The following TEAD3 variants were observed in gnomAD, a reference collection of about 807,000 sequenced individuals.
TEAD3 encodes the protein TEA domain transcription factor 3.
In TEAD3, 15 loss-of-function variants were observed where a neutral mutation model predicts 55.6. The observed-to-expected ratio is 0.27, with a 90% CI of 0.18 to 0.42. The LOEUF is 0.42. Among genes scored for constraint, TEAD3 ranks in the 10% least tolerant of loss-of-function variants. The pLI is 1.00. For synonymous variants in TEAD3, 210 were observed against 232.2 expected, an observed-to-expected ratio of 0.90 and a Z score of 0.87; for missense variants, 407 against 576.8, an observed-to-expected ratio of 0.71 and a Z score of 3.01.
At chr6:35,490,231 C>G (rs977466472) in intron 1 of TEAD3, among the ~76,000 whole-genome samples, 4 of 152,186 alleles carry the variant, frequency 2.6e-5, no homozygotes, top group Non-Finnish European at 5.9e-5. Flanking sequence ...CCGCCCCCCG[C>G]GGGAGCACTG....
intron 7 of TEAD3, 68 bp from the exon 8 acceptor site, chr6:35,477,440 C>A: frequency 1.3e-6 from 2 of 1,484,404 alleles, no homozygotes; most frequent in Non-Finnish European, 1.8e-6. Flanking sequence ...CCCAGCCCCT[C>A]TTCCAAGACC....
chr6:35,492,590 C>A (rs962098562), intron 1 of TEAD3, among the ~76,000 whole-genome samples: 22 of 149,684 alleles, frequency 1.5e-4, no homozygotes, highest in African/African-American at 5.4e-4. Context: ...GAGGTGGGGG[C>A]CCCTCCACTC....
exon 10 of TEAD3, chr6:35,476,065 C>A (rs1037507155): frequency 6.5e-7 from 1 of 1,537,794 alleles, no homozygotes; most frequent in Admixed American, 2.0e-5. Flanking sequence ...TTCGTCTGGC[C>A]GATGTGCACA....
In TEAD3 at chr6:35,484,981, T is replaced by A. The variant is rs1464171331; in HGVS notation, c.203-357A>T. 6.6e-6 allele frequency among the ~76,000 whole-genome samples: 1 copy of A among 152,136 alleles called. No homozygotes were observed. Among genetic ancestry groups the A allele is most frequent in the Non-Finnish European group, 1.5e-5 (1 of 67,998 alleles). On this transcript the variant is annotated intron_variant, in intron 2 of 12. Coordinates refer to ENST00000639578, the Ensembl canonical transcript of TEAD3. This position sits in a 1 kb window ranked among gnomAD's most constrained non-coding sequence, Gnocchi z 5.8. ...CAGGACAGTAGCTGAGTAGGGCCTG[T>A]CCTGGCCAGGCACGCCCATCCTCCC...
rs1333916303 is a variant in TEAD3 at position 35,484,334 on chromosome 6, G to A, written c.267+226C>T. 1.3e-5 allele frequency among the ~76,000 whole-genome samples: 2 copies of A among 152,152 alleles called. No homozygotes were observed. Among genetic ancestry groups the A allele is most frequent in the Non-Finnish European group, 2.9e-5 (2 of 68,048 alleles). ...GGCAGGGTAGTAGGTGGTCAGAGAG[G>A]ACAGTGGGGCCATCTCTCCAAGAGA... On this transcript the variant is annotated intron_variant, in intron 3 of 12. Transcript: ENST00000639578. The surrounding 1 kb of genome is among the most constrained non-coding windows in gnomAD (Gnocchi z 5.8).
exon 6 of TEAD3, chr6:35,478,470 G>A: frequency 5.0e-6 from 8 of 1,613,142 alleles, no homozygotes; most frequent in Non-Finnish European, 6.8e-6. Context: ...GGGGCAGAGG[G>A]GAAGGTGGGC....
chr6:35,492,050 C>G (rs115551885), intron 1 of TEAD3, among the ~76,000 whole-genome samples: 2,050 of 152,318 alleles, frequency 0.013, 45 homozygotes, highest in African/African-American at 0.046. Flanking sequence ...CTGTCTTACC[C>G]CTTCCCCTGC....
rs202046348 is a variant in TEAD3, at chr6:35,479,274, C to T, written c.342+31G>A. On this transcript the variant is annotated intron_variant, in intron 5 of 12. Transcript: ENST00000639578. ...TATTAGGTGTTAAGACCCTTTCCCC[C>T]ACTCCCACTGGGGAGGGCTGTGCTA... The T allele has an allele frequency of 1.2e-4, 188 of 1,613,086 alleles. No homozygotes were observed. The African/African-American group carries it at 2.3e-3, about 20-fold the overall frequency.
chr6:35,479,168 A>C, intron 5 of TEAD3, 137 bp downstream of exon 5: 1 of 1,136,858 alleles, frequency 8.8e-7, no homozygotes, highest in East Asian at 2.6e-5. Context: ...GTGAGCCACC[A>C]CGCCCAGCCA....
At chr6:35,477,288 A>G (rs1026960520) in intron 8 of TEAD3, 23 bp downstream of exon 8, 6 of 1,609,144 alleles carry the variant, frequency 3.7e-6, no homozygotes, top group Non-Finnish European at 5.1e-6. Flanking sequence ...GCCAAGGGAG[A>G]GCACCTCGTG....
chr6:35,480,391 G>A lies in TEAD3; in HGVS notation c.268-269C>T, dbSNP rs1194737951. 4 of 1,613,184 alleles carry A rather than the reference G, an allele frequency of 2.5e-6. No individual in the cohort carries two copies. Among genetic ancestry groups the A allele is most frequent in the East Asian group, 2.2e-5 (1 of 44,878 alleles). The stretch of plus-strand genomic sequence containing the variant: ...GCTGGACACCTAGGGGCCGCCCCGC[G>A]CCCCGCCAGAGAGGAAAACATAGAC... On this transcript the variant is annotated intron_variant, in intron 3 of 12. Coordinates refer to ENST00000639578, the Ensembl canonical transcript of TEAD3.
At chr6:35,494,013 T>C (rs773925199) in intron 1 of TEAD3, among the ~76,000 whole-genome samples, 1 of 152,154 alleles carries the variant, frequency 6.6e-6, no homozygotes, top group Non-Finnish European at 1.5e-5. Context: ...CCAGTTTCTC[T>C]TATGGACGTG....
Position 35,484,683 on chromosome 6 carries a change from G to A in TEAD3, c.203-59C>T. On this transcript the variant is annotated intron_variant, in intron 2 of 12. Coordinates refer to ENST00000639578, the Ensembl canonical transcript of TEAD3. The surrounding 1 kb of genome is among the most constrained non-coding windows in gnomAD (Gnocchi z 5.8). ...GCAAAGGGTGGAGCCAGAGGCTGGA[G>A]GCCCCCACCCCACCGGGAAGCCACT... is the stretch of plus-strand genomic sequence containing the variant. 1 of 1,487,780 alleles carries A rather than the reference G, an allele frequency of 6.7e-7. No individual in the cohort carries two copies. Among genetic ancestry groups the A allele is most frequent in the South Asian group, 1.2e-5 (1 of 82,948 alleles). 92.2% of individuals were successfully genotyped at this position (1,487,780 alleles called of 1,614,324 possible). A position where few individuals can be genotyped will look rare whatever the true frequency, so the allele number is the denominator to read the frequency against.
At chr6:35,494,878 G>A (rs749816825) in intron 1 of TEAD3, among the ~76,000 whole-genome samples, 5 of 111,036 alleles carry the variant, frequency 4.5e-5, no homozygotes, top group Non-Finnish European at 9.6e-5. Context: ...CCTGCCCCCC[G>A]CCACCTTTTC....
At chr6:35,489,393 G>A (rs910445435) in intron 1 of TEAD3, among the ~76,000 whole-genome samples, 43 of 152,320 alleles carry the variant, frequency 2.8e-4, no homozygotes, top group African/African-American at 9.9e-4. Flanking sequence ...AGGTTATAGG[G>A]AGGGTGCTGA....
At chr6:35,494,554 C>T (rs1768599463) in intron 1 of TEAD3, among the ~76,000 whole-genome samples, 1 of 152,182 alleles carries the variant, frequency 6.6e-6, no homozygotes, top group Non-Finnish European at 1.5e-5. Context: ...CTCAGGGCCA[C>T]CCCTGGGACC....
At chr6:35,476,143 C>T (rs377085523) in intron 9 of TEAD3, 51 bp from the exon 10 acceptor site, 37 of 1,534,500 alleles carry the variant, frequency 2.4e-5, no homozygotes, top group East Asian at 1.4e-4. Context: ...CTTGCAGGCC[C>T]GGGGGCGGGG....
rs2150919898 is a variant in TEAD3 at position 35,496,128 on chromosome 6, G to A, written c.-50+770C>T. Among the ~76,000 whole-genome samples, 1 of 152,352 alleles carries A rather than the reference G, an allele frequency of 6.6e-6. No individual in the cohort carries two copies. The highest frequency in any genetic ancestry group is 2.4e-5 in the African/African-American group (1 of 41,580). On this transcript the variant is annotated intron_variant, in intron 1 of 12. Coordinates refer to ENST00000639578, the Ensembl canonical transcript of TEAD3. The surrounding 1 kb of genome is among the most constrained non-coding windows in gnomAD (Gnocchi z 4.8). ...AAAGGGCATGACAGACAATGGTGGGGACCGGGGTAGGAAGCGGGAGACCAG... is the reference window on the plus strand; with the variant it reads ...AAAGGGCATGACAGACAATGGTGGGAACCGGGGTAGGAAGCGGGAGACCAG...
chr6:35,481,481 T>G (rs1473221761), intron 3 of TEAD3, among the ~76,000 whole-genome samples: 1 of 152,172 alleles, frequency 6.6e-6, no homozygotes, highest in Non-Finnish European at 1.5e-5. Flanking sequence ...CCTGGGTGGG[T>G]GCTCCTCACA....
Sources: allele counts gnomAD v4.1 joint callset (sites outside exome capture counted in the v4.1 genomes callset), GRCh38; gene constraint gnomAD v4.1.1; non-coding constraint Gnocchi (gnomAD v3.1); transcripts MANE v1.5; gene names NCBI Gene and HGNC (gene_info 2026-07-23, HGNC 2026-07-21).